ZNF423: variants seen among roughly 807,000 people sequenced by gnomAD.
The protein encoded by ZNF423 is zinc finger protein 423.
A neutral mutation model predicts 95.8 loss-of-function variants in ZNF423; 12 were observed. The ratio of observed to expected loss-of-function variants is 0.13; its 90% CI spans 0.08 to 0.20. ZNF423 has a LOEUF of 0.20. ZNF423 is among the 10% of genes least tolerant of loss of function. The probability of loss-of-function intolerance (pLI) is 1.00; values close to 1 mark genes in which losing one functional copy is unlikely to be tolerated. For missense variants in ZNF423, 1,316 were observed against 1,737.1 expected, an observed-to-expected ratio of 0.76 and a Z score of 4.31; for synonymous variants, 749 against 711.9, an observed-to-expected ratio of 1.05 and a Z score of -0.83.
At chr16:49,768,284 G>A (rs1439631097) in intron 2 of ZNF423, among the ~76,000 whole-genome samples, 2 of 152,198 alleles carry the variant, frequency 1.3e-5, no homozygotes, top group Admixed American at 6.5e-5. Context: ...GTCTGCAGAC[G>A]AGAGTTCATT....
Position 49,525,374 on chromosome 16 carries a change from A to G in ZNF423, c.3722T>C (p.Val1241Ala), listed in dbSNP as rs1968562962. The G allele has an allele frequency of 6.2e-7, 1 of 1,613,904 alleles. No individual in the cohort carries two copies. Among genetic ancestry groups the G allele is most frequent in the African/African-American group, 1.3e-5 (1 of 74,900 alleles). ...EGMGGTFKCP[V>A]CFTVFVQANK... Reference sequence around the variant, plus strand: ...GCTGGGTACCTTACCTGTGAAACACACGGGGCATTTGAAGGTGCCGCCCAT... The same window carrying G: ...GCTGGGTACCTTACCTGTGAAACACGCGGGGCATTTGAAGGTGCCGCCCAT... The change falls in exon 6 of 8, where the codon GTG becomes GCG. Residue 1241 changes from valine to alanine, a missense_variant. Physicochemically the swap from Val to Ala is moderately conservative, Grantham distance 64 (BLOSUM62 0). Around this residue, in one of 6 missense-constraint regions of ZNF423, gnomAD observed 75 missense variants for 163.5 expected, o/e 0.46. Transcript: ENST00000563137.
intron 5 of ZNF423, among the ~76,000 whole-genome samples, chr16:49,600,751 C>T (rs762967863): frequency 3.9e-5 from 6 of 152,282 alleles, no homozygotes; most frequent in Non-Finnish European, 5.9e-5. Flanking sequence ...GTAATGGCCC[C>T]GAAGGCTCCC....
In ZNF423 at chr16:49,730,545, C is replaced by T. The variant is rs117018231; in HGVS notation, c.301+226G>A. ...AGCACAGCTTGCGGGGAGAGGGGGCCGGGACAGAGCACCACCATCTAATTC... is the reference window on the plus strand; with the variant it reads ...AGCACAGCTTGCGGGGAGAGGGGGCTGGGACAGAGCACCACCATCTAATTC... On this transcript the variant is annotated intron_variant, in intron 3 of 7. Coordinates refer to ENST00000563137, the MANE Select transcript of ZNF423 (RefSeq NM_001379286.1). 4.6e-3 allele frequency: 2,681 copies of T among 581,706 alleles called. 7 individuals are homozygous for T. The highest frequency in any genetic ancestry group is 7.1e-3 in the Non-Finnish European group (2,346 of 329,804). The allele number at this position is 581,706 out of a possible 1,614,324, so 36.0% of individuals were successfully genotyped here.
At chr16:49,762,106 C>T (rs558437461) in intron 2 of ZNF423, among the ~76,000 whole-genome samples, 23 of 152,346 alleles carry the variant, frequency 1.5e-4, no homozygotes, top group Non-Finnish European at 3.4e-4. Flanking sequence ...GCCATTACAC[C>T]CAGCCCAAAT....
intron 3 of ZNF423, among the ~76,000 whole-genome samples, chr16:49,696,620 C>T (rs2031981891): frequency 6.6e-6 from 1 of 152,190 alleles, no homozygotes; most frequent in Non-Finnish European, 1.5e-5. Context: ...AAACCCTGGG[C>T]CACAGAGGCT....
upstream of ZNF423, among the ~76,000 whole-genome samples, chr16:49,857,559 G>A (rs1051449403): frequency 6.6e-5 from 10 of 152,286 alleles, no homozygotes; most frequent in South Asian, 1.7e-3. The surrounding 1 kb of genome is among the most constrained non-coding windows in gnomAD (Gnocchi z 6.2). Flanking sequence ...GAACTATCCA[G>A]GGACCTGGCT....
chr16:49,774,423 G>A (rs1432204843), intron 2 of ZNF423, among the ~76,000 whole-genome samples: 3 of 152,176 alleles, frequency 2.0e-5, no homozygotes, highest in Non-Finnish European at 2.9e-5. Flanking sequence ...GAGGTGGGCA[G>A]GAGAGGGAGA....
At chr16:49,857,400 G>A (rs1226546091), upstream of ZNF423, among the ~76,000 whole-genome samples, 1 of 151,754 alleles carries the variant, frequency 6.6e-6, no homozygotes, top group Non-Finnish European at 1.5e-5. This position sits in a 1 kb window ranked among gnomAD's most constrained non-coding sequence, Gnocchi z 6.2. Flanking sequence ...ACCGGGGGCA[G>A]GAGGAGGGAA....
At chr16:49,604,797 G>A (rs1006915333) in intron 5 of ZNF423, among the ~76,000 whole-genome samples, 1 of 152,122 alleles carries the variant, frequency 6.6e-6, no homozygotes, top group Non-Finnish European at 1.5e-5. Flanking sequence ...GAAGCCTGCT[G>A]CATCCACCCC....
chr16:49,787,466 C>G (rs2034333978), intron 2 of ZNF423, among the ~76,000 whole-genome samples: 1 of 152,130 alleles, frequency 6.6e-6, no homozygotes. Flanking sequence ...CATGGAGTCA[C>G]AAGGAGTGTG....
chr16:49,820,232 C>A (rs768969635), intron 1 of ZNF423, among the ~76,000 whole-genome samples: 4 of 152,140 alleles, frequency 2.6e-5, no homozygotes, highest in Non-Finnish European at 4.4e-5. Flanking sequence ...AAGGCAGACC[C>A]CCTACCTCCC....
chr16:49,634,399 G>A (rs976852628), intron 4 of ZNF423, among the ~76,000 whole-genome samples: 5 of 152,058 alleles, frequency 3.3e-5, no homozygotes, highest in Admixed American at 2.0e-4. Flanking sequence ...ATCCACGGAC[G>A]GGTCCCCTGG....
chr16:49,599,406 C>T (rs888737724), intron 5 of ZNF423, among the ~76,000 whole-genome samples: 32 of 152,190 alleles, frequency 2.1e-4, no homozygotes, highest in Non-Finnish European at 2.5e-4. Context: ...GTGCTGAGCA[C>T]TTGACCATAG....
At chr16:49,712,875 T>A (rs1386093095) in intron 3 of ZNF423, among the ~76,000 whole-genome samples, 3 of 152,224 alleles carry the variant, frequency 2.0e-5, no homozygotes, top group Non-Finnish European at 4.4e-5. Context: ...ATTGTCCCTA[T>A]GAAGCCACAA....
chr16:49,843,682 G>T (rs2035214304), intron 1 of ZNF423, among the ~76,000 whole-genome samples: 1 of 152,140 alleles, frequency 6.6e-6, no homozygotes, highest in Admixed American at 6.5e-5. Context: ...GGAGAGAAAT[G>T]AAGGAATCTT....
chr16:49,748,161 C>G (rs1287359314), intron 2 of ZNF423, among the ~76,000 whole-genome samples: 1 of 152,192 alleles, frequency 6.6e-6, no homozygotes, highest in African/African-American at 2.4e-5. Context: ...TCCGAAGCAC[C>G]TAGAACAGTG....
intron 5 of ZNF423, among the ~76,000 whole-genome samples, chr16:49,547,371 A>G (rs1209997644): frequency 6.6e-6 from 1 of 152,216 alleles, no homozygotes; most frequent in Non-Finnish European, 1.5e-5. Context: ...CCCACATACC[A>G]AAAGACGACA....
At chr16:49,620,220 T>TACACAG (rs10522492) in intron 5 of ZNF423, among the ~76,000 whole-genome samples, 33,226 of 143,472 alleles carry the variant, frequency 0.23, 4,052 homozygotes, top group African/African-American at 0.34. Context: ...GACACACACA[T>TACACAG]ACACATACAC....
At chr16:49,718,337 T>C (rs1293922705) in intron 3 of ZNF423, among the ~76,000 whole-genome samples, 1 of 151,774 alleles carries the variant, frequency 6.6e-6, no homozygotes, top group Non-Finnish European at 1.5e-5. Context: ...ACCAAGGAGG[T>C]GGAGGCTGCA....
Sources: gnomAD v4.1 joint callset for allele counts (sites outside exome capture counted in the v4.1 genomes callset) on GRCh38, gnomAD v4.1.1 for gene constraint, gnomAD v4.1.1 regional missense constraint, Gnocchi (gnomAD v3.1) non-coding constraint, MANE v1.5 for transcripts, NCBI Gene and HGNC (gene_info 2026-07-23, HGNC 2026-07-21) for gene names.